The following LYSMD1 variants were observed in gnomAD, a reference collection of about 807,000 sequenced individuals.
The protein encoded by LYSMD1 is lysM and putative peptidoglycan-binding domain-containing protein 1.
A neutral mutation model predicts 19.3 loss-of-function variants in LYSMD1; 9 were observed. The observed-to-expected ratio is 0.47, with a 90% CI of 0.28 to 0.81. The LOEUF (loss-of-function observed/expected upper bound fraction) is 0.81. Among genes scored for constraint, LYSMD1 ranks in the 40% least tolerant of loss-of-function variants. LYSMD1 has a pLI of 0.11. For missense variants in LYSMD1, 262 were observed against 279.8 expected (o/e 0.94, Z 0.45); for synonymous variants, 111 against 111.7 (o/e 0.99, Z 0.04).
At position 151,165,463 on chromosome 1, in the gene LYSMD1, T is replaced by G; in HGVS notation, c.-205A>C. 2 of 1,430,118 alleles carry G rather than the reference T, an allele frequency of 1.4e-6. No homozygotes were observed. The highest frequency in any genetic ancestry group is 1.5e-5 in the South Asian group (1 of 66,518). 88.6% of individuals were successfully genotyped at this position (1,430,118 alleles called of 1,614,324 possible). ...AGCTACTTATCCACAAATCTGTCCC[T>G]TGAGTATTCAGTCCCTCCCTAATTC... is the stretch of plus-strand genomic sequence containing the variant. On this transcript the variant is annotated 5_prime_UTR_variant, in exon 1 of 3. Transcript: ENST00000368908.
chr1:151,158,716 A>G, downstream of LYSMD1: 1 of 1,605,404 alleles, frequency 6.2e-7, no homozygotes, highest in Non-Finnish European at 8.5e-7. Context: ...CTTCAGCTCA[A>G]AGAGCCTGGC....
Position 151,160,208 on chromosome 1 carries a change from G to C in LYSMD1, c.*674C>G, listed in dbSNP as rs1465443726. The C allele has an allele frequency of 4.1e-5, 3 of 73,466 alleles. No individual in the cohort carries two copies. The highest frequency in any genetic ancestry group is 1.2e-4 in the African/African-American group (3 of 25,140). The allele number at this position is 73,466 out of a possible 1,614,324, so 4.6% of individuals were successfully genotyped here. Reference sequence around the variant, plus strand: ...AAGTTACAGGGAATTGGTTTGTCAAGACTGAGCCCATTCAACAGGAATGGG... The same window carrying C: ...AAGTTACAGGGAATTGGTTTGTCAACACTGAGCCCATTCAACAGGAATGGG... On this transcript the variant is annotated 3_prime_UTR_variant, in exon 3 of 3. Coordinates refer to ENST00000368908, the MANE Select transcript of LYSMD1 (RefSeq NM_212551.5).
the LYSMD1 span, among the ~76,000 whole-genome samples, chr1:151,150,870 C>T: frequency 5.4e-4 from 82 of 151,894 alleles, 1 homozygote; most frequent in Non-Finnish European, 1.1e-3. Context: ...TCCCGAGTAG[C>T]TGGGATTACA....
Position 151,160,214 on chromosome 1 carries a change from G to T in LYSMD1, c.*668C>A, listed in dbSNP as rs978188265. 5.0e-5 allele frequency: 3 copies of T among 59,846 alleles called. No individual in the cohort carries two copies. The highest frequency in any genetic ancestry group is 1.3e-4 in the African/African-American group (3 of 23,996). 3.7% of individuals were successfully genotyped at this position (59,846 alleles called of 1,614,324 possible). ...CAGGGAATTGGTTTGTCAAGACTGA[G>T]CCCATTCAACAGGAATGGGGTACCA... On this transcript the variant is annotated 3_prime_UTR_variant, in exon 3 of 3. Coordinates refer to ENST00000368908, the MANE Select transcript of LYSMD1 (RefSeq NM_212551.5).
At position 151,165,493 on chromosome 1, in the gene LYSMD1, C is replaced by G. The variant is rs1683649062; in HGVS notation, c.-235G>C. The G allele has an allele frequency of 6.9e-7, 1 of 1,440,238 alleles. No individual in the cohort carries two copies. The highest frequency in any genetic ancestry group is 2.5e-4 in the Middle Eastern group (1 of 3,928). The allele number at this position is 1,440,238 out of a possible 1,614,324, so 89.2% of individuals were successfully genotyped here. A position where few individuals can be genotyped will look rare whatever the true frequency, so the allele number is the denominator to read the frequency against. ...TATTCAGTCCCTCCCTAATTCTCCC[C>G]TAAGCACCCCTCCGACTTTGGACTC... On this transcript the variant is annotated 5_prime_UTR_variant, in exon 1 of 3. Coordinates refer to ENST00000368908, the MANE Select transcript of LYSMD1 (RefSeq NM_212551.5).
the LYSMD1 span, among the ~76,000 whole-genome samples, chr1:151,152,908 G>A: frequency 6.6e-6 from 1 of 152,086 alleles, no homozygotes; most frequent in Non-Finnish European, 1.5e-5. Context: ...CCAAATAACT[G>A]AAGTTTATCC....
downstream of LYSMD1, chr1:151,159,332 C>T (rs116142156): frequency 5.0e-4 from 682 of 1,371,842 alleles, 4 homozygotes; most frequent in African/African-American, 8.6e-3. Flanking sequence ...TAACCCTGCT[C>T]ACCTGGCACT....
the LYSMD1 span, among the ~76,000 whole-genome samples, chr1:151,152,666 C>A: frequency 3.9e-5 from 6 of 152,140 alleles, no homozygotes; most frequent in African/African-American, 1.4e-4. Flanking sequence ...TGCCACTGCA[C>A]TCCAGCCTGG....
rs754872084 is a variant in LYSMD1, at chr1:151,161,047, G to A, written c.546-27C>T. The A allele has an allele frequency of 6.2e-6, 10 of 1,611,272 alleles. No individual in the cohort carries two copies. In the Admixed American group the frequency reaches 8.3e-5, roughly 13 times the overall value. Reference sequence around the variant, plus strand: ...TGCAATTGAGGAAAGGGGGGAAAGAGTGACAGATCAAGGGAAGAACCTGAC... The same window carrying A: ...TGCAATTGAGGAAAGGGGGGAAAGAATGACAGATCAAGGGAAGAACCTGAC... On this transcript the variant is annotated intron_variant, in intron 2 of 2. Transcript: ENST00000368908.
At chr1:151,150,734 TTC>T in the LYSMD1 span, among the ~76,000 whole-genome samples, 120 of 144,254 alleles carry the variant, frequency 8.3e-4, no homozygotes, top group African/African-American at 3.1e-3. Context: ...TTCTTTTCTT[TTC>T]TTTTTTTTTT....
In LYSMD1 at chr1:151,165,250, G is replaced by C. The variant is rs759017276; in HGVS notation, c.9C>G (p.Ser3=). ...CCCCTGGCGGGGGCTGTCTAGACGG[G>C]GAAGCCATCTCTTCACCCTGCCAAC... MA[S]PSRQPPPGGS... The change falls in exon 1 of 3, where the codon TCC becomes TCG. Residue 3 remains serine (S), a synonymous_variant. Coordinates refer to ENST00000368908, the MANE Select transcript of LYSMD1 (RefSeq NM_212551.5). The C allele has an allele frequency of 6.2e-7, 1 of 1,612,222 alleles. No individual in the cohort carries two copies. The highest frequency in any genetic ancestry group is 1.7e-4 in the Middle Eastern group (1 of 6,020).
downstream of LYSMD1, chr1:151,159,302 AAC>A (rs754980058): frequency 6.5e-7 from 1 of 1,549,180 alleles, no homozygotes; most frequent in South Asian, 1.2e-5. Flanking sequence ...TGACTGAGAA[AAC>A]ACAGATAATG....
chr1:151,155,095 C>G (rs1683190308), downstream of LYSMD1, among the ~76,000 whole-genome samples: 1 of 152,218 alleles, frequency 6.6e-6, no homozygotes, highest in African/African-American at 2.4e-5. Flanking sequence ...ATGATCTGAT[C>G]TTTTTCCTTC....
In LYSMD1 at chr1:151,161,035, AG is replaced by A. The variant is rs781019715; in HGVS notation, c.546-16del. On this transcript the variant is annotated splice_polypyrimidine_tract_variant and intron_variant, in intron 2 of 2. Coordinates refer to ENST00000368908, the MANE Select transcript of LYSMD1 (RefSeq NM_212551.5). Reference sequence around the variant, plus strand: ...CCCCAGGTACCCTGCAATTGAGGAAAGGGGGGAAAGAGTGACAGATCAAGGG... The same window carrying A: ...CCCCAGGTACCCTGCAATTGAGGAAAGGGGGAAAGAGTGACAGATCAAGGG... 1 of 1,612,914 alleles carries A rather than the reference AG, an allele frequency of 6.2e-7. No individual in the cohort carries two copies. Among genetic ancestry groups the A allele is most frequent in the South Asian group, 1.1e-5 (1 of 91,052 alleles).
chr1:151,165,615 A>C lies in LYSMD1; in HGVS notation c.-357T>G. ...GTTTGCCCCCAAGTAGCCTGGCCTC[A>C]GGGCGCTCCAACATCCCAGCTCTCC... is the stretch of plus-strand genomic sequence containing the variant. On this transcript the variant is annotated 5_prime_UTR_variant, in exon 1 of 3. Transcript: ENST00000368908. 2 of 1,531,580 alleles carry C rather than the reference A, an allele frequency of 1.3e-6. No homozygotes were observed. The highest frequency in any genetic ancestry group is 1.2e-5 in the South Asian group (1 of 82,158). The allele number at this position is 1,531,580 out of a possible 1,614,324, so 94.9% of individuals were successfully genotyped here.
chr1:151,165,322 A>G lies in LYSMD1; in HGVS notation c.-64T>C. 1 of 1,563,042 alleles carries G rather than the reference A, an allele frequency of 6.4e-7. No individual in the cohort carries two copies. ...AGGTACGACCGAGACTGCGACTGAC[A>G]GGCCTGAAGTCTGGGAATGAATATT... On this transcript the variant is annotated 5_prime_UTR_variant, in exon 1 of 3. Transcript: ENST00000368908.
the LYSMD1 span, among the ~76,000 whole-genome samples, chr1:151,148,527 C>T: frequency 1.3e-5 from 2 of 151,964 alleles, no homozygotes; most frequent in Non-Finnish European, 2.9e-5. Context: ...TTTAATAGTA[C>T]TAAACTATTA....
chr1:151,156,278 T>C (rs1281016761), downstream of LYSMD1, among the ~76,000 whole-genome samples: 1 of 152,078 alleles, frequency 6.6e-6, no homozygotes, highest in Non-Finnish European at 1.5e-5. Flanking sequence ...TGGCAATCAC[T>C]GGAATAATAT....
At chr1:151,163,496 C>G (rs1023004603) in intron 1 of LYSMD1, among the ~76,000 whole-genome samples, 1 of 151,948 alleles carries the variant, frequency 6.6e-6, no homozygotes, top group Non-Finnish European at 1.5e-5. Context: ...AATATAGAAA[C>G]TACAGATATA....
Sources: gnomAD v4.1 joint callset for allele counts (sites outside exome capture counted in the v4.1 genomes callset) on GRCh38, gnomAD v4.1.1 for gene constraint, MANE v1.5 for transcripts, NCBI Gene and HGNC (gene_info 2026-07-23, HGNC 2026-07-21) for gene names.